Variants in CDK5RAP2 observed in about 807,000 individuals in gnomAD.
CDK5RAP2 encodes CDK5 regulatory subunit associated protein 2.
CDK5RAP2 carries 147 observed loss-of-function variants against 232.9 expected under a neutral mutation model. The ratio of observed to expected loss-of-function variants is 0.63; its 90% CI spans 0.55 to 0.72. CDK5RAP2 has a LOEUF of 0.72. CDK5RAP2 is among the 30% of genes least tolerant of loss of function. The probability of loss-of-function intolerance (pLI) is 0.00; values close to 1 mark genes in which losing one functional copy is unlikely to be tolerated. For missense variants in CDK5RAP2, 2,195 were observed against 2,231.5 expected, an observed-to-expected ratio of 0.98 and a Z score of 0.33; for synonymous variants, 833 against 833.7, an observed-to-expected ratio of 1.00 and a Z score of 0.01.
intron 14 of CDK5RAP2, 21 bp from the exon 15 acceptor site, chr9:120,477,471 T>C (rs770849829): frequency 1.3e-6 from 2 of 1,549,912 alleles, no homozygotes; most frequent in Non-Finnish European, 1.8e-6. Flanking sequence ...CAATGGGCAT[T>C]TGACATTAAG....
At chr9:120,578,363 T>C (rs751462500) in intron 1 of CDK5RAP2, among the ~76,000 whole-genome samples, 1 of 152,140 alleles carries the variant, frequency 6.6e-6, no homozygotes, top group Non-Finnish European at 1.5e-5. Flanking sequence ...ACTCCCAATA[T>C]ATTGGGGCAG....
chr9:120,477,284 C>A (rs962375250), intron 15 of CDK5RAP2, 66 bp downstream of exon 15: 1 of 1,106,728 alleles, frequency 9.0e-7, no homozygotes, highest in Non-Finnish European at 1.4e-6. Flanking sequence ...AGGGTGTGTG[C>A]GTGTATGCGC....
At chr9:120,550,699 T>C (rs948572352) in intron 4 of CDK5RAP2, 93 bp downstream of exon 4, 2 of 816,326 alleles carry the variant, frequency 2.4e-6, no homozygotes, top group Non-Finnish European at 4.4e-6. Context: ...TCTCTATTCA[T>C]ACTAACTCTA....
At chr9:120,526,925 C>T (rs1248876289) in intron 10 of CDK5RAP2, among the ~76,000 whole-genome samples, 1 of 152,146 alleles carries the variant, frequency 6.6e-6, no homozygotes, top group Admixed American at 6.5e-5. Flanking sequence ...TCCTACTTAT[C>T]CTTTCAGATG....
chr9:120,484,260 A>G (rs573113402), intron 14 of CDK5RAP2, among the ~76,000 whole-genome samples: 1 of 152,234 alleles, frequency 6.6e-6, no homozygotes, highest in South Asian at 2.1e-4. Context: ...CATTTTCTAC[A>G]AAGAAAGAAC....
chr9:120,554,417 G>A (rs902273404), intron 3 of CDK5RAP2, among the ~76,000 whole-genome samples: 2 of 152,122 alleles, frequency 1.3e-5, no homozygotes, highest in Non-Finnish European at 2.9e-5. Flanking sequence ...CACTGTTCAA[G>A]CTCAGTTTTC....
rs111844555 is a variant in CDK5RAP2 at position 120,553,400 on chromosome 9, C to T, written c.196-2498G>A. On this transcript the variant is annotated intron_variant, in intron 3 of 37. Transcript: ENST00000349780. ...TGCTTCTATCACCATGTTTAAATAG[C>T]TAAATGTTCTCCAAAATCCTACCAA... is the stretch of plus-strand genomic sequence containing the variant. Among the ~76,000 whole-genome samples, 9 of 152,272 alleles carry T rather than the reference C, an allele frequency of 5.9e-5. 1 individual carries two copies. The highest frequency in any genetic ancestry group is 2.2e-4 in the African/African-American group (9 of 41,558).
intron 5 of CDK5RAP2, among the ~76,000 whole-genome samples, chr9:120,542,242 G>A (rs1484427266): frequency 6.6e-6 from 1 of 152,226 alleles, no homozygotes; most frequent in Non-Finnish European, 1.5e-5. Context: ...GGTGGCTCAT[G>A]CTTGTAATCC....
intron 12 of CDK5RAP2, among the ~76,000 whole-genome samples, chr9:120,508,612 G>A (rs2039940115): frequency 6.6e-6 from 1 of 152,140 alleles, no homozygotes; most frequent in Non-Finnish European, 1.5e-5. Flanking sequence ...TTCCCCATGA[G>A]CCAGGCTCAT....
intron 25 of CDK5RAP2, among the ~76,000 whole-genome samples, chr9:120,429,010 A>C (rs1490718988): frequency 1.3e-5 from 2 of 152,124 alleles, no homozygotes; most frequent in African/African-American, 4.8e-5. Flanking sequence ...CAAAAACCAC[A>C]TGATTATCTC....
chr9:120,391,489 G>C (rs2031972637), intron 36 of CDK5RAP2, among the ~76,000 whole-genome samples: 1 of 152,226 alleles, frequency 6.6e-6, no homozygotes, highest in South Asian at 2.1e-4. Context: ...GTACCGACCT[G>C]AGCTGAGCAG....
At chr9:120,463,246 C>T (rs918833462) in intron 18 of CDK5RAP2, among the ~76,000 whole-genome samples, 1 of 152,140 alleles carries the variant, frequency 6.6e-6, no homozygotes, top group Non-Finnish European at 1.5e-5. Flanking sequence ...TGGCGGGCGC[C>T]TGTAGTCCCA....
intron 19 of CDK5RAP2, among the ~76,000 whole-genome samples, chr9:120,459,175 C>A (rs544820839): frequency 1.3e-5 from 2 of 152,196 alleles, no homozygotes; most frequent in Non-Finnish European, 2.9e-5. Flanking sequence ...TGATCTTTCA[C>A]ATTAGGAAGA....
At chr9:120,548,862 T>C (rs1213573995) in intron 4 of CDK5RAP2, among the ~76,000 whole-genome samples, 1 of 151,840 alleles carries the variant, frequency 6.6e-6, no homozygotes, top group Non-Finnish European at 1.5e-5. Context: ...TAAAGAAAGA[T>C]ATCATTAAGT....
Position 120,477,335 on chromosome 9 carries a change from G to C in CDK5RAP2, c.1727+15C>G, listed in dbSNP as rs188328236. ...TTCGCATTCACATGTGTGATGTCCAGACAGAAACGCTTACCTGTCTGATTC... is the reference window on the plus strand; with the variant it reads ...TTCGCATTCACATGTGTGATGTCCACACAGAAACGCTTACCTGTCTGATTC... On this transcript the variant is annotated intron_variant, in intron 15 of 37. Transcript: ENST00000349780. 7.3e-4 allele frequency: 1,166 copies of C among 1,592,376 alleles called. 14 individuals carry two copies. In the East Asian group the frequency reaches 0.025, roughly 34 times the overall value.
intron 7 of CDK5RAP2, among the ~76,000 whole-genome samples, chr9:120,534,716 C>T (rs957826426): frequency 1.3e-5 from 2 of 152,216 alleles, no homozygotes; most frequent in African/African-American, 4.8e-5. Flanking sequence ...ATCCCAAACC[C>T]TCTCCTTCCC....
chr9:120,519,093 T>C (rs2040499699), intron 11 of CDK5RAP2, among the ~76,000 whole-genome samples: 1 of 151,390 alleles, frequency 6.6e-6, no homozygotes, highest in Non-Finnish European at 1.5e-5. Context: ...GAGAACTGCA[T>C]GAACCCGGAG....
intron 23 of CDK5RAP2, 46 bp from the exon 24 acceptor site, chr9:120,440,018 C>T (rs1182268587): frequency 2.6e-6 from 4 of 1,546,392 alleles, no homozygotes; most frequent in South Asian, 2.2e-5. Context: ...TACTAAAATC[C>T]AAACCCTCTC....
intron 4 of CDK5RAP2, 50 bp downstream of exon 4, chr9:120,550,741 AT>A (rs778332599): frequency 6.7e-5 from 68 of 1,020,880 alleles, no homozygotes; most frequent in Non-Finnish European, 9.9e-5. Context: ...TCTGCTTGAA[AT>A]GACAATGAGA....
Sources: allele counts gnomAD v4.1 joint callset (sites outside exome capture counted in the v4.1 genomes callset), GRCh38; gene constraint gnomAD v4.1.1; transcripts MANE v1.5; gene names NCBI Gene and HGNC (gene_info 2026-07-23, HGNC 2026-07-21).